ATIC: variants seen among roughly 807,000 people sequenced by gnomAD.
ATIC encodes the protein 5-aminoimidazole-4-carboxamide ribonucleotide formyltransferase/IMP cyclohydrolase, also known as bifunctional purine biosynthesis protein ATIC.
ATIC carries 64 observed loss-of-function variants against 72.5 expected under a neutral mutation model. That is an observed-to-expected ratio of 0.88 (90% CI 0.72 to 1.09). The LOEUF (loss-of-function observed/expected upper bound fraction) is 1.09. Ranked by LOEUF, ATIC falls within the 50% of genes least tolerant of loss-of-function variation. The probability of loss-of-function intolerance (pLI) is 0.00; values close to 1 mark genes in which losing one functional copy is unlikely to be tolerated. For missense variants in ATIC, 787 were observed against 732.4 expected (o/e 1.07, Z -0.86); for synonymous variants, 281 against 267.1 (o/e 1.05, Z -0.51).
the ATIC span, among the ~76,000 whole-genome samples, chr2:215,358,161 G>C: frequency 6.6e-6 from 1 of 152,222 alleles, no homozygotes; most frequent in African/African-American, 2.4e-5. Context: ...TTATTATACA[G>C]ACTTATTTGC....
the ATIC span, among the ~76,000 whole-genome samples, chr2:215,366,973 C>T: frequency 6.6e-6 from 1 of 152,172 alleles, no homozygotes; most frequent in African/African-American, 2.4e-5. Flanking sequence ...CACTGGCTGG[C>T]TTTTACAACT....
At chr2:215,361,977 T>C in the ATIC span, 2 of 1,613,678 alleles carry the variant, frequency 1.2e-6, no homozygotes, top group Non-Finnish European at 1.7e-6. Flanking sequence ...ACAGTGTTTG[T>C]TCTCTGATGG....
In ATIC at chr2:215,326,925, C is replaced by T; in HGVS notation, c.635C>T (p.Pro212Leu). 1.9e-6 allele frequency: 3 copies of T among 1,614,138 alleles called. No homozygotes were observed. The highest frequency in any genetic ancestry group is 2.5e-6 in the Non-Finnish European group (3 of 1,180,038). Residue 212 changes from proline to leucine, a missense_variant, in exon 7 of 16, where the codon CCA becomes CTA. By Grantham distance (98) the Pro-to-Leu change is moderately conservative (BLOSUM62 -3). Transcript: ENST00000236959. ...SQMPLRYGMNPHQTPAQLYTL... is the reference protein window; with the variant it reads ...SQMPLRYGMNLHQTPAQLYTL... ...ATGCCCTTGAGATATGGAATGAACC[C>T]ACATCAGACCCCTGCCCAGCTGTAC...
At chr2:215,327,037 G>C (rs991790706) in intron 7 of ATIC, 59 bp downstream of exon 7, 1 of 1,607,324 alleles carries the variant, frequency 6.2e-7, no homozygotes, top group African/African-American at 1.3e-5. Context: ...GTGTTTCTCT[G>C]TATTGCATCT....
At chr2:215,361,899 T>C in the ATIC span, 1 of 1,587,564 alleles carries the variant, frequency 6.3e-7, no homozygotes, top group Non-Finnish European at 8.6e-7. Context: ...TGGTTCATTC[T>C]GAAGAAAGAT....
chr2:215,318,175 G>A lies in ATIC; in HGVS notation c.165G>A (p.Thr55=), dbSNP rs754454433. ...TTTTCAGAGATGTCTCTGAGTTGAC[G>A]GGATTTCCTGAAATGTTGGGGGGAC... ...GLAVRDVSEL[T]GFPEMLGGRV... Residue 55 remains threonine (T), a synonymous_variant, in exon 3 of 16, where the codon ACG becomes ACA. Transcript: ENST00000236959. The A allele has an allele frequency of 6.6e-5, 107 of 1,614,028 alleles. No individual in the cohort carries two copies. Among genetic ancestry groups the A allele is most frequent in the Middle Eastern group, 4.9e-4 (3 of 6,062 alleles).
At chr2:215,346,735 C>T (rs1482295439) in intron 13 of ATIC, 24 bp from the exon 14 acceptor site, 12 of 1,612,964 alleles carry the variant, frequency 7.4e-6, no homozygotes, top group Non-Finnish European at 1.0e-5. Flanking sequence ...AAGAGGTGTT[C>T]ACTTTAATGT....
chr2:215,328,098 T>A (rs2052849708), intron 7 of ATIC, among the ~76,000 whole-genome samples: 1 of 151,858 alleles, frequency 6.6e-6, no homozygotes, highest in South Asian at 2.1e-4. Flanking sequence ...GGTCTCAAAC[T>A]CCTGACCTCA....
chr2:215,321,843 GT>G (rs1201283750), intron 4 of ATIC, among the ~76,000 whole-genome samples: 1 of 152,180 alleles, frequency 6.6e-6, no homozygotes, highest in East Asian at 1.9e-4. Flanking sequence ...TGAGTTGTAA[GT>G]TTATTTCCTC....
At chr2:215,365,844 C>T in the ATIC span, 3 of 230,094 alleles carry the variant, frequency 1.3e-5, no homozygotes, top group East Asian at 1.0e-4. Flanking sequence ...CTTTCTCTGT[C>T]GCCCAGACTG....
chr2:215,328,893 T>G (rs1166129583), intron 7 of ATIC, among the ~76,000 whole-genome samples: 1 of 151,914 alleles, frequency 6.6e-6, no homozygotes. Context: ...AATTTTGTAT[T>G]TTTAGTAGAG....
At chr2:215,339,465 G>C (rs962181404) in intron 12 of ATIC, among the ~76,000 whole-genome samples, 1 of 152,100 alleles carries the variant, frequency 6.6e-6, no homozygotes, top group Non-Finnish European at 1.5e-5. Flanking sequence ...GCAGTGAGCC[G>C]TGTTTGTGCC....
rs924044588 is a variant in ATIC at position 215,344,995 on chromosome 2, G to A, written c.1320+124G>A. 2.2e-5 allele frequency: 23 copies of A among 1,024,854 alleles called. No individual in the cohort carries two copies. The African/African-American group carries it at 3.5e-4, about 16-fold the overall frequency. 63.5% of individuals were successfully genotyped at this position (1,024,854 alleles called of 1,614,324 possible). On this transcript the variant is annotated intron_variant, in intron 13 of 15. Coordinates refer to ENST00000236959, the MANE Select transcript of ATIC (RefSeq NM_004044.7). The stretch of plus-strand genomic sequence containing the variant: ...TATTTGCCAAATGTTTGTCTTTTGT[G>A]TTTGTCAGTGTTTCCTCAGTACCCT...
At chr2:215,345,105 A>G in intron 13 of ATIC, 1 of 560,744 alleles carries the variant, frequency 1.8e-6, no homozygotes, top group Non-Finnish European at 3.2e-6. Flanking sequence ...TGCCTTGAAT[A>G]GGTTGGCACA....
In ATIC at chr2:215,312,068, C is replaced by G. The variant is rs117281478; in HGVS notation, c.-75C>G. ...CCTCGCTTCCTGAGCCGCCACATCC[C>G]GGCAGCCCTCCTACCTGCGCACGTG... On this transcript the variant is annotated 5_prime_UTR_variant, in exon 1 of 16. Coordinates refer to ENST00000236959, the MANE Select transcript of ATIC (RefSeq NM_004044.7). 3 of 1,524,214 alleles carry G rather than the reference C, an allele frequency of 2.0e-6. No individual in the cohort carries two copies. Among genetic ancestry groups the G allele is most frequent in the Non-Finnish European group, 2.6e-6 (3 of 1,139,620 alleles). 94.4% of individuals were successfully genotyped at this position (1,524,214 alleles called of 1,614,324 possible).
rs2052838670 is a variant in ATIC, at chr2:215,327,146, G to C, written c.688+168G>C. 2.6e-5 allele frequency among the ~76,000 whole-genome samples: 4 copies of C among 152,158 alleles called. No individual in the cohort carries two copies. The South Asian group carries it at 8.3e-4, about 31-fold the overall frequency. On this transcript the variant is annotated intron_variant, in intron 7 of 15. Transcript: ENST00000236959. ...GACGCCATTTGGACTGAAGAGCACA[G>C]AAGTTGAGTAGTCTGGAGTTCTGAA... is the stretch of plus-strand genomic sequence containing the variant.
Position 215,338,845 on chromosome 2 carries a change from A to G in ATIC, c.1165A>G (p.Lys389Glu). The G allele has an allele frequency of 6.2e-7, 1 of 1,613,980 alleles. No individual in the cohort carries two copies. Residue 389 changes from lysine (K) to glutamate (E), a missense_variant, in exon 12 of 16, where the codon AAG (lysine) becomes GAG (glutamate). Transcript: ENST00000236959. ...RTLFGLHLSQ[K>E]RNNGVVDKSL... ...TCTCTTTGGTCTTCATTTAAGCCAG[A>G]AGAGAAATAATGGTGTCGTCGACAA...
At chr2:215,358,858 A>C in the ATIC span, among the ~76,000 whole-genome samples, 3 of 152,178 alleles carry the variant, frequency 2.0e-5, no homozygotes, top group African/African-American at 7.2e-5. Flanking sequence ...AATACAGTCC[A>C]ACTGTATTTG....
chr2:215,312,753 TC>T, intron 2 of ATIC, 129 bp downstream of exon 2: 1 of 1,415,776 alleles, frequency 7.1e-7, no homozygotes, highest in Non-Finnish European at 9.8e-7. Flanking sequence ...GTGTAATACT[TC>T]CCCACTTTAT....
Sources: allele counts gnomAD v4.1 joint callset (sites outside exome capture counted in the v4.1 genomes callset), GRCh38; gene constraint gnomAD v4.1.1; transcripts MANE v1.5; gene names NCBI Gene and HGNC (gene_info 2026-07-23, HGNC 2026-07-21).